Variants in JHY observed in about 807,000 individuals in gnomAD.
JHY encodes jhy protein homolog.
Under a neutral mutation model 78.0 loss-of-function variants are expected in JHY, and 69 were observed. The observed-to-expected ratio is 0.88, with a 90% CI of 0.73 to 1.08. The LOEUF (loss-of-function observed/expected upper bound fraction) is 1.08. Among genes scored for constraint, JHY ranks in the 50% least tolerant of loss-of-function variants. The probability of loss-of-function intolerance (pLI) is 0.00; values close to 1 mark genes in which losing one functional copy is unlikely to be tolerated. For missense variants in JHY, 944 were observed against 927.8 expected, an observed-to-expected ratio of 1.02 and a Z score of -0.23; for synonymous variants, 368 against 342.6, an observed-to-expected ratio of 1.07 and a Z score of -0.82.
At chr11:122,911,235 G>A (rs1863118652) in intron 3 of JHY, among the ~76,000 whole-genome samples, 2 of 152,152 alleles carry the variant, frequency 1.3e-5, no homozygotes, top group African/African-American at 2.4e-5. Context: ...CTCTATACAT[G>A]TTATTTGACT....
chr11:122,916,449 G>T (rs983156858), intron 3 of JHY, among the ~76,000 whole-genome samples: 2 of 152,090 alleles, frequency 1.3e-5, no homozygotes, highest in African/African-American at 4.8e-5. Context: ...AGGGGCCAAG[G>T]TCTTTTCTAC....
At chr11:122,953,135 A>G (rs1358031329) in intron 6 of JHY, among the ~76,000 whole-genome samples, 8 of 152,238 alleles carry the variant, frequency 5.3e-5, no homozygotes, top group South Asian at 2.1e-4. Context: ...AAATAATCAA[A>G]GTAGCCCAGA....
intron 4 of JHY, among the ~76,000 whole-genome samples, chr11:122,926,187 C>CAAAAA (rs574945272): frequency 2.5e-5 from 1 of 40,072 alleles, no homozygotes; most frequent in Non-Finnish European, 5.5e-5. Context: ...GACTCCATCT[C>CAAAAA]AAAAAAAAAA....
chr11:122,915,289 G>A (rs1280250621), intron 3 of JHY, among the ~76,000 whole-genome samples: 1 of 152,096 alleles, frequency 6.6e-6, no homozygotes, highest in Non-Finnish European at 1.5e-5. Context: ...GTCATTTTCT[G>A]CTGCTGTCTG....
chr11:122,912,725 TAAGACTCTGTCCCAAAA>T (rs1446054002), intron 3 of JHY, among the ~76,000 whole-genome samples: 1 of 151,846 alleles, frequency 6.6e-6, no homozygotes, highest in African/African-American at 2.4e-5. Flanking sequence ...GATAACAGAG[TAAGACTCTGTCCCAAAA>T]AAAGAGAAAA....
At chr11:122,905,060 T>G in intron 3 of JHY, 1 of 881,702 alleles carries the variant, frequency 1.1e-6, no homozygotes, top group East Asian at 2.5e-5. Flanking sequence ...TAAACCCCAT[T>G]GAAAATCACA....
chr11:122,914,284 T>A (rs950808449), intron 3 of JHY, among the ~76,000 whole-genome samples: 1 of 152,222 alleles, frequency 6.6e-6, no homozygotes, highest in Non-Finnish European at 1.5e-5. Context: ...TTTTCATAGT[T>A]TTAAATTTAG....
At chr11:122,921,544 T>C (rs537642054) in intron 3 of JHY, among the ~76,000 whole-genome samples, 1 of 152,382 alleles carries the variant, frequency 6.6e-6, no homozygotes, top group Admixed American at 6.5e-5. Context: ...AGTTGATTTT[T>C]CTTTTAAATG....
rs773925896 is a variant in JHY, at chr11:122,883,585, C to CT, written c.-90+625dup. On this transcript the variant is annotated intron_variant, in intron 1 of 8. Transcript: ENST00000227349. This position sits in a 1 kb window ranked among gnomAD's most constrained non-coding sequence, Gnocchi z 4.4. ...TGGTCAGAAATTTCAGCGGCACAAC[C>CT]TTTTTTTTTTTTCACTGGACGGGAG... Among the ~76,000 whole-genome samples, 72 of 145,410 alleles carry CT rather than the reference C, an allele frequency of 5.0e-4. No individual in the cohort carries two copies. Among genetic ancestry groups the CT allele is most frequent in the African/African-American group, 1.0e-3 (40 of 39,884 alleles).
intron 5 of JHY, among the ~76,000 whole-genome samples, chr11:122,939,729 C>T (rs1005869143): frequency 6.6e-6 from 1 of 152,108 alleles, no homozygotes; most frequent in Admixed American, 6.5e-5. Flanking sequence ...TTCATCAGTG[C>T]TAAAATTTTG....
intron 1 of JHY, among the ~76,000 whole-genome samples, chr11:122,885,503 C>T (rs1862476268): frequency 6.6e-6 from 1 of 152,220 alleles, no homozygotes; most frequent in South Asian, 2.1e-4. Flanking sequence ...TAGGAATCCA[C>T]TTCCAAGCAG....
intron 2 of JHY, among the ~76,000 whole-genome samples, chr11:122,893,437 C>T (rs375439369): frequency 3.3e-5 from 5 of 152,296 alleles, no homozygotes; most frequent in African/African-American, 9.6e-5. Flanking sequence ...ACTCCTGAGG[C>T]TTGTTGCCCC....
At chr11:122,921,895 A>G (rs1280640846) in intron 3 of JHY, among the ~76,000 whole-genome samples, 6 of 152,184 alleles carry the variant, frequency 3.9e-5, no homozygotes, top group Non-Finnish European at 8.8e-5. Context: ...GAGGCAGGAG[A>G]ACCGCTCGAG....
At chr11:122,926,477 G>A (rs1317363611) in intron 4 of JHY, among the ~76,000 whole-genome samples, 1 of 152,070 alleles carries the variant, frequency 6.6e-6, no homozygotes, top group Non-Finnish European at 1.5e-5. Flanking sequence ...CCTCTCCAGT[G>A]GACTCCAGGC....
chr11:122,893,503 C>A (rs140161747), intron 2 of JHY, among the ~76,000 whole-genome samples: 12 of 152,122 alleles, frequency 7.9e-5, no homozygotes, highest in South Asian at 2.1e-4. Flanking sequence ...TGCATTATTG[C>A]GTTAAAATAA....
chr11:122,885,155 A>T (rs532103046), intron 1 of JHY, among the ~76,000 whole-genome samples: 65 of 152,102 alleles, frequency 4.3e-4, no homozygotes, highest in African/African-American at 1.5e-3. Context: ...GTTGATCTCC[A>T]TTTATGTCCA....
Position 122,946,526 on chromosome 11 carries a change from A to G in JHY, c.1663A>G (p.Thr555Ala). ...WKFHSSSDSQTVRASPDSWLT... is the reference protein window; with the variant it reads ...WKFHSSSDSQAVRASPDSWLT... ...ATTCCATTCTTCTTCTGACAGCCAG[A>G]CGGTTAGAGCTTCTCCAGATTCATG... The change falls in exon 6 of 9, where the codon ACG becomes GCG. Residue 555 changes from threonine to alanine, a missense_variant. By Grantham distance (58) the Thr-to-Ala change is moderately conservative. Coordinates refer to ENST00000227349, the MANE Select transcript of JHY (RefSeq NM_024806.4). The G allele has an allele frequency of 1.3e-6, 2 of 1,590,632 alleles. No individual in the cohort carries two copies. The highest frequency in any genetic ancestry group is 1.7e-6 in the Non-Finnish European group (2 of 1,170,548).
At chr11:122,947,130 C>T (rs1863981735) in intron 6 of JHY, 1 of 202,334 alleles carries the variant, frequency 4.9e-6, no homozygotes, top group East Asian at 1.3e-4. Flanking sequence ...CCACCCCAAG[C>T]CCCATGCTAA....
intron 2 of JHY, among the ~76,000 whole-genome samples, chr11:122,887,585 T>C (rs1258782033): frequency 6.6e-6 from 1 of 152,008 alleles, no homozygotes; most frequent in African/African-American, 2.4e-5. Flanking sequence ...ACTCCCAAAG[T>C]GTTGGGATTA....
Sources: gnomAD v4.1 joint callset for allele counts (sites outside exome capture counted in the v4.1 genomes callset) on GRCh38, gnomAD v4.1.1 for gene constraint, Gnocchi (gnomAD v3.1) non-coding constraint, MANE v1.5 for transcripts, NCBI Gene and HGNC (gene_info 2026-07-23, HGNC 2026-07-21) for gene names.